Variants in FBXO34 observed in about 807,000 individuals in gnomAD.
The protein encoded by FBXO34 is F-box only protein 34.
A neutral mutation model predicts 24.5 loss-of-function variants in FBXO34; 12 were observed. The ratio of observed to expected loss-of-function variants is 0.49; its 90% confidence interval spans 0.31 to 0.79. The LOEUF (loss-of-function observed/expected upper bound fraction) is 0.79, where lower values mean the gene tolerates loss of function less well. Among genes scored for constraint, FBXO34 ranks in the 30% least tolerant of loss-of-function variants. FBXO34 has a pLI of 0.04. For missense variants in FBXO34, 823 were observed against 857.7 expected (o/e 0.96, Z 0.51); for synonymous variants, 320 against 311.9 (o/e 1.03, Z -0.27).
rs541406946 is a variant in FBXO34, at chr14:55,351,061, G to C, written c.671G>C (p.Ser224Thr). The C allele has an allele frequency of 1.2e-6, 2 of 1,614,112 alleles. No homozygotes were observed. Among genetic ancestry groups the C allele is most frequent in the Non-Finnish European group, 1.7e-6 (2 of 1,180,040 alleles). ...CAAAGAGCCAGTGCTCTGCTAGCTA[G>C]CTGTTCAAAAAACTGCACAAACTCA... is the stretch of plus-strand genomic sequence containing the variant. The part of the protein sequence containing the change: ...LEQRASALLA[S>T]CSKNCTNSPA... Residue 224 changes from serine to threonine, a missense_variant, in exon 2 of 2, where the codon AGC becomes ACC. Ser to Thr is a moderately conservative substitution (Grantham distance 58). This residue lies in a region of FBXO34 where 693 missense variants were observed against 659.1 expected (regional missense o/e 1.05). Transcript: ENST00000313833.
the FBXO34 span, among the ~76,000 whole-genome samples, chr14:55,394,172 A>G: frequency 6.8e-6 from 1 of 146,194 alleles, no homozygotes; most frequent in Admixed American, 6.7e-5. Flanking sequence ...ATGCCCAGCT[A>G]ATTTTTCTAT....
At chr14:55,384,824 C>T in the FBXO34 span, among the ~76,000 whole-genome samples, 3 of 152,212 alleles carry the variant, frequency 2.0e-5, no homozygotes, top group Non-Finnish European at 4.4e-5. Flanking sequence ...TGGGAATAAA[C>T]GGAAGCCTTC....
intron 1 of FBXO34, among the ~76,000 whole-genome samples, chr14:55,309,565 C>T (rs969524021): frequency 6.6e-6 from 1 of 152,138 alleles, no homozygotes; most frequent in East Asian, 1.9e-4. Context: ...TTGCCAAGAA[C>T]AAAAGTTACC....
chr14:55,294,583 G>A (rs1402164453), intron 1 of FBXO34, among the ~76,000 whole-genome samples: 2 of 152,144 alleles, frequency 1.3e-5, no homozygotes, highest in African/African-American at 4.8e-5. Context: ...AGAAGAAAGG[G>A]TATAACGTAA....
At chr14:55,416,181 A>G in the FBXO34 span, among the ~76,000 whole-genome samples, 1 of 152,232 alleles carries the variant, frequency 6.6e-6, no homozygotes, top group African/African-American at 2.4e-5. Flanking sequence ...TATATTCACA[A>G]TACACAACCA....
chr14:55,399,190 ATACAT>A, the FBXO34 span, among the ~76,000 whole-genome samples: 4 of 152,364 alleles, frequency 2.6e-5, no homozygotes, highest in South Asian at 8.3e-4. Context: ...AATGCACAAT[ATACAT>A]TAAACAGAAA....
the FBXO34 span, among the ~76,000 whole-genome samples, chr14:55,412,886 T>C: frequency 2.6e-5 from 4 of 152,192 alleles, no homozygotes; most frequent in African/African-American, 9.6e-5. Context: ...GTAAAGGACG[T>C]AATCACTGAT....
chr14:55,364,285 G>C (rs773967989), downstream of FBXO34, among the ~76,000 whole-genome samples: 2 of 152,020 alleles, frequency 1.3e-5, no homozygotes, highest in South Asian at 2.1e-4. Context: ...TCATTCAAAG[G>C]CTCCTTTAGA....
At chr14:55,305,186 G>A (rs546297573) in intron 1 of FBXO34, among the ~76,000 whole-genome samples, 28 of 152,326 alleles carry the variant, frequency 1.8e-4, no homozygotes, top group African/African-American at 5.8e-4. Context: ...GTCGAGGCGG[G>A]TGGATCATGA....
At chr14:55,405,934 T>G in the FBXO34 span, among the ~76,000 whole-genome samples, 1 of 150,322 alleles carries the variant, frequency 6.7e-6, no homozygotes, top group Non-Finnish European at 1.5e-5. Flanking sequence ...GCAGAGGAGG[T>G]ATTGTTCAGG....
intron 1 of FBXO34, among the ~76,000 whole-genome samples, chr14:55,280,561 C>G (rs1881501733): frequency 7.2e-6 from 1 of 138,426 alleles, no homozygotes; most frequent in Non-Finnish European, 1.5e-5. Context: ...GAGTCTCACT[C>G]TGTCACCCAG....
At chr14:55,369,849 C>T, downstream of FBXO34, 4 of 1,614,202 alleles carry the variant, frequency 2.5e-6, no homozygotes, top group Non-Finnish European at 3.4e-6. Flanking sequence ...CCGCTCTCAT[C>T]TGATTCTCCA....
intron 1 of FBXO34, among the ~76,000 whole-genome samples, chr14:55,336,858 A>G: frequency 6.7e-6 from 1 of 149,534 alleles, no homozygotes; most frequent in South Asian, 2.1e-4. Context: ...TATAGAATAT[A>G]TACATGCACG....
the FBXO34 span, chr14:55,428,956 A>C: frequency 6.2e-7 from 1 of 1,614,136 alleles, no homozygotes; most frequent in Non-Finnish European, 8.5e-7. Context: ...TTCTTGCTGC[A>C]AGTCGAGACT....
the FBXO34 span, among the ~76,000 whole-genome samples, chr14:55,422,074 T>C: frequency 2.0e-5 from 3 of 152,120 alleles, no homozygotes; most frequent in African/African-American, 4.8e-5. Context: ...ATAAAGGCAA[T>C]AGGATTATAA....
At position 55,292,685 on chromosome 14, in the gene FBXO34, A is replaced by G. The variant is rs564446773; in HGVS notation, c.-11+21148A>G. Among the ~76,000 whole-genome samples the G allele has an allele frequency of 3.2e-4, 48 of 152,122 alleles. No individual in the cohort carries two copies. In the East Asian group the frequency reaches 9.1e-3, roughly 29 times the overall value. ...TACTTTTAAAGTAGGAAATGGGAGC[A>G]TTAAAAGAAAGGATATATATGCATG... On this transcript the variant is annotated intron_variant, in intron 1 of 1. Transcript: ENST00000313833.
chr14:55,380,876 T>TATATATATATATA, the FBXO34 span, among the ~76,000 whole-genome samples: 58 of 84,264 alleles, frequency 6.9e-4, no homozygotes, highest in African/African-American at 3.3e-3. Flanking sequence ...TATATATATA[T>TATATATATATATA]TTTTTTTTTT....
At chr14:55,370,774 G>A (rs1884797791), downstream of FBXO34, among the ~76,000 whole-genome samples, 1 of 151,716 alleles carries the variant, frequency 6.6e-6, no homozygotes, top group African/African-American at 2.4e-5. Context: ...CTGAGTAGCT[G>A]GGATTACAGG....
intron 1 of FBXO34, among the ~76,000 whole-genome samples, chr14:55,337,036 C>T (rs1366880631): frequency 6.7e-6 from 1 of 150,084 alleles, no homozygotes; most frequent in African/African-American, 2.4e-5. Context: ...AGTGCAATGA[C>T]ACTATCTTGG....
Sources: gnomAD v4.1 joint callset for allele counts (sites outside exome capture counted in the v4.1 genomes callset) on GRCh38, gnomAD v4.1.1 for gene constraint, gnomAD v4.1.1 regional missense constraint, MANE v1.5 for transcripts, NCBI Gene and HGNC (gene_info 2026-07-23, HGNC 2026-07-21) for gene names.